FREM2: variants seen among roughly 807,000 people sequenced by gnomAD.
FREM2 encodes FRAS1-related extracellular matrix protein 2.
FREM2 carries 119 observed loss-of-function variants against 219.9 expected under a neutral mutation model. The ratio of observed to expected loss-of-function variants is 0.54; its 90% CI spans 0.47 to 0.63. The LOEUF (loss-of-function observed/expected upper bound fraction) is 0.63. Ranked by LOEUF, FREM2 falls within the 30% of genes least tolerant of loss-of-function variation. FREM2 has a pLI of 0.00. For missense variants in FREM2, 4,030 were observed against 3,993.6 expected, an observed-to-expected ratio of 1.01 and a Z score of -0.25; for synonymous variants, 1,562 against 1,522.8, an observed-to-expected ratio of 1.03 and a Z score of -0.60.
chr13:38,714,812 C>T (rs1047730287), intron 2 of FREM2, among the ~76,000 whole-genome samples: 6 of 151,986 alleles, frequency 3.9e-5, no homozygotes, highest in East Asian at 3.9e-4. Flanking sequence ...TGGCCCAGCG[C>T]GGTAGGTCAC....
At chr13:38,874,071 G>T (rs1207664108) in intron 17 of FREM2, among the ~76,000 whole-genome samples, 1 of 152,114 alleles carries the variant, frequency 6.6e-6, no homozygotes, top group African/African-American at 2.4e-5. Context: ...TCTTGGGAAA[G>T]CTTCAGAGGT....
At position 38,783,111 on chromosome 13, in the gene FREM2, G is replaced by A; in HGVS notation, c.5683G>A (p.Glu1895Lys). 1 of 1,614,006 alleles carries A rather than the reference G, an allele frequency of 6.2e-7. No individual in the cohort carries two copies. Among genetic ancestry groups the A allele is most frequent in the Non-Finnish European group, 8.5e-7 (1 of 1,179,950 alleles). The change falls in exon 5 of 24, where the codon GAA (glutamate) becomes AAA (lysine). Residue 1895 changes from glutamate to lysine, a missense_variant. By Grantham distance (56) the Glu-to-Lys change is moderately conservative (BLOSUM62 1). Around this residue, in one of 2 missense-constraint regions of FREM2, gnomAD observed 3,102 missense variants for 2,950.7 expected, o/e 1.05. Coordinates refer to ENST00000280481, the MANE Select transcript of FREM2 (RefSeq NM_207361.6). Reference sequence around the variant, plus strand: ...TCCCCAGTCCAAATACTCCGTTGAAGAAGATGTTGGTGAGCTGTTCATTCC... The same window carrying A: ...TCCCCAGTCCAAATACTCCGTTGAAAAAGATGTTGGTGAGCTGTTCATTCC... ...FIPQSKYSVE[E>K]DVGELFIPIR...
At chr13:38,757,552 G>C (rs1231806260) in intron 2 of FREM2, among the ~76,000 whole-genome samples, 1 of 151,660 alleles carries the variant, frequency 6.6e-6, no homozygotes, top group African/African-American at 2.4e-5. Context: ...TGCTGTGCCT[G>C]TTTCCCTCTA....
intron 2 of FREM2, among the ~76,000 whole-genome samples, chr13:38,709,793 C>T (rs1322627460): frequency 1.6e-5 from 1 of 64,410 alleles, no homozygotes; most frequent in Non-Finnish European, 3.3e-5. Flanking sequence ...ATGACTTTAC[C>T]CTTAAACTGC....
At chr13:38,783,527 A>C (rs1285774258) in intron 5 of FREM2, among the ~76,000 whole-genome samples, 1 of 151,412 alleles carries the variant, frequency 6.6e-6, no homozygotes, top group Non-Finnish European at 1.5e-5. Context: ...AGGAAAAGAA[A>C]CTAATTTAAA....
At chr13:38,704,719 G>T (rs946226607) in intron 2 of FREM2, among the ~76,000 whole-genome samples, 3 of 152,192 alleles carry the variant, frequency 2.0e-5, no homozygotes, top group African/African-American at 7.2e-5. Flanking sequence ...GTGGTCTAAA[G>T]AACTACCTGA....
intron 2 of FREM2, among the ~76,000 whole-genome samples, chr13:38,749,665 A>AC (rs1300060380): frequency 1.3e-5 from 2 of 151,374 alleles, no homozygotes; most frequent in African/African-American, 4.9e-5. Flanking sequence ...TGTCAGTAAC[A>AC]CCCCCTGCCT....
Position 38,688,462 on chromosome 13 carries a change from C to T in FREM2, c.1118C>T (p.Thr373Ile). The T allele has an allele frequency of 6.2e-7, 1 of 1,614,138 alleles. No individual in the cohort carries two copies. The highest frequency in any genetic ancestry group is 8.5e-7 in the Non-Finnish European group (1 of 1,180,036). The change falls in exon 1 of 24, where the codon ACC (threonine) becomes ATC (isoleucine). Residue 373 changes from threonine to isoleucine, a missense_variant. Around this residue, in one of 2 missense-constraint regions of FREM2, gnomAD observed 3,102 missense variants for 2,950.7 expected, o/e 1.05. Coordinates refer to ENST00000280481, the MANE Select transcript of FREM2 (RefSeq NM_207361.6). The part of the protein sequence containing the change: ...FQPGQGYLVS[T>I]DDRSLPLSSF... Reference sequence around the variant, plus strand: ...CCTGGCCAGGGCTACTTGGTGAGCACCGATGATCGCAGCCTGCCCCTTTCC... The same window carrying T: ...CCTGGCCAGGGCTACTTGGTGAGCATCGATGATCGCAGCCTGCCCCTTTCC...
Position 38,886,264 on chromosome 13 carries a change from C to A in FREM2, c.*5477C>A, listed in dbSNP as rs1369757958. 1 of 152,062 alleles carries A rather than the reference C, an allele frequency of 6.6e-6. No individual in the cohort carries two copies. The highest frequency in any genetic ancestry group is 6.5e-5 in the Admixed American group (1 of 15,268). The allele number at this position is 152,062 out of a possible 1,614,324, so 9.4% of individuals were successfully genotyped here. A position where few individuals can be genotyped will look rare whatever the true frequency, so the allele number is the denominator to read the frequency against. The stretch of plus-strand genomic sequence containing the variant: ...GTAAAAGCTAAATTTATGCACATTA[C>A]AAAAAGTAGTCAAGTCAGTCTTCCA... On this transcript the variant is annotated 3_prime_UTR_variant, in exon 24 of 24. Coordinates refer to ENST00000280481, the MANE Select transcript of FREM2 (RefSeq NM_207361.6).
At chr13:38,699,984 A>C (rs975882086) in intron 2 of FREM2, among the ~76,000 whole-genome samples, 1 of 152,184 alleles carries the variant, frequency 6.6e-6, no homozygotes, top group African/African-American at 2.4e-5. Context: ...CTGGGAAGCA[A>C]GTCAGGGCAC....
At chr13:38,822,336 ATTCT>A (rs1238616317) in intron 6 of FREM2, among the ~76,000 whole-genome samples, 2 of 144,894 alleles carry the variant, frequency 1.4e-5, no homozygotes, top group Non-Finnish European at 3.0e-5. Flanking sequence ...CAAGGAGCCC[ATTCT>A]TTCTTTCTTT....
intron 14 of FREM2, among the ~76,000 whole-genome samples, chr13:38,860,522 T>C (rs1877723098): frequency 6.6e-6 from 1 of 152,248 alleles, no homozygotes; most frequent in Admixed American, 6.5e-5. Flanking sequence ...GTGACTACTA[T>C]ATATTCAGGA....
Position 38,759,045 on chromosome 13 carries a change from G to C in FREM2, c.5264-5259G>C, listed in dbSNP as rs181454920. On this transcript the variant is annotated intron_variant, in intron 2 of 23. Transcript: ENST00000280481. ...GACACCATGTCTCTAAAACAATAAC[G>C]AAAATCAAATGATCTAATTTCCCCA... Among the ~76,000 whole-genome samples the C allele has an allele frequency of 3.5e-3, 532 of 152,154 alleles. 3 individuals carry two copies. The highest frequency in any genetic ancestry group is 6.0e-3 in the Non-Finnish European group (410 of 67,984).
At chr13:38,739,722 C>T (rs908242522) in intron 2 of FREM2, among the ~76,000 whole-genome samples, 2 of 151,910 alleles carry the variant, frequency 1.3e-5, no homozygotes, top group African/African-American at 4.8e-5. Flanking sequence ...TAAAACTAGT[C>T]ATCTACTTCC....
chr13:38,810,569 A>G (rs1334589916), intron 6 of FREM2, among the ~76,000 whole-genome samples: 2 of 152,114 alleles, frequency 1.3e-5, no homozygotes, highest in Non-Finnish European at 2.9e-5. Flanking sequence ...CATCAATTGA[A>G]AAAAACATAT....
At position 38,857,971 on chromosome 13, in the gene FREM2, G is replaced by T. The variant is rs777183201; in HGVS notation, c.7153G>T (p.Asp2385Tyr). 6.2e-7 allele frequency: 1 copy of T among 1,613,844 alleles called. No homozygotes were observed. Among genetic ancestry groups the T allele is most frequent in the Non-Finnish European group, 8.5e-7 (1 of 1,179,784 alleles). ...PQIVSLLMYDDTSKAKESAEP... is the reference protein window; with the variant it reads ...PQIVSLLMYDYTSKAKESAEP... ...AATTGTATCCCTGTTGATGTATGACGACACTTCCAAAGCTAAGGAGAGTGC... is the reference window on the plus strand; with the variant it reads ...AATTGTATCCCTGTTGATGTATGACTACACTTCCAAAGCTAAGGAGAGTGC... The change falls in exon 13 of 24, where the codon GAC becomes TAC. Residue 2385 changes from aspartate (D) to tyrosine (Y), a missense_variant. By Grantham distance (160) the Asp-to-Tyr change is radical (BLOSUM62 -3). Around this residue, in one of 2 missense-constraint regions of FREM2, gnomAD observed 928 missense variants for 1,042.9 expected, o/e 0.89. Transcript: ENST00000280481.
chr13:38,710,440 G>T (rs1870725079), intron 2 of FREM2, among the ~76,000 whole-genome samples: 2 of 152,140 alleles, frequency 1.3e-5, no homozygotes, highest in African/African-American at 2.4e-5. Context: ...TAGGCATTTT[G>T]GCCTTGAACC....
chr13:38,783,331 T>G, intron 5 of FREM2, 136 bp downstream of exon 5: 1 of 968,474 alleles, frequency 1.0e-6, no homozygotes, highest in Admixed American at 1.9e-5. Flanking sequence ...AGGATTTATT[T>G]AGAAGTCTTT....
chr13:38,864,279 G>T lies in FREM2; in HGVS notation c.7656G>T (p.Met2552Ile). 2 of 1,611,890 alleles carry T rather than the reference G, an allele frequency of 1.2e-6. No homozygotes were observed. The highest frequency in any genetic ancestry group is 1.7e-6 in the Non-Finnish European group (2 of 1,178,584). ...LTVTMPHIDG[M>I]LPVISTRELS... ...AATGATTTCGATTTATCATAGGCAT[G>T]CTCCCCGTGATCTCCACTAGAGAGC... Residue 2552 changes from methionine to isoleucine, a missense_variant, in exon 16 of 24, where the codon ATG (methionine) becomes ATT (isoleucine). Physicochemically the swap from Met to Ile is conservative, Grantham distance 10. This residue lies in a region of FREM2 where 928 missense variants were observed against 1,042.9 expected (regional missense o/e 0.89). Coordinates refer to ENST00000280481, the MANE Select transcript of FREM2 (RefSeq NM_207361.6).
Sources: allele counts gnomAD v4.1 joint callset (sites outside exome capture counted in the v4.1 genomes callset), GRCh38; gene constraint gnomAD v4.1.1; regional missense constraint gnomAD v4.1.1; transcripts MANE v1.5; gene names NCBI Gene and HGNC (gene_info 2026-07-23, HGNC 2026-07-21).